The following MEMO1 variants were observed in gnomAD, a reference collection of about 807,000 sequenced individuals.
The protein encoded by MEMO1 is mediator of cell motility 1.
MEMO1 carries 6 observed loss-of-function variants against 45.2 expected under a neutral mutation model. That is an observed-to-expected ratio of 0.13 (90% CI 0.07 to 0.26). MEMO1 has a LOEUF of 0.26. Ranked by LOEUF, MEMO1 falls within the 10% of genes least tolerant of loss-of-function variation. The pLI is 1.00. For synonymous variants in MEMO1, 78 were observed against 124.3 expected (o/e 0.63, Z 2.48); for missense variants, 184 against 370.5 (o/e 0.50, Z 4.13).
At chr2:31,878,880 A>G (rs999096167) in intron 8 of MEMO1, among the ~76,000 whole-genome samples, 4 of 152,178 alleles carry the variant, frequency 2.6e-5, no homozygotes, top group Admixed American at 2.6e-4. Flanking sequence ...CTCCTTAGAG[A>G]TTCTTTCCTA....
intron 8 of MEMO1, among the ~76,000 whole-genome samples, chr2:31,880,959 GGCTGCAGTGAACTGTGATTGTGCCACT>G (rs1675267481): frequency 6.6e-6 from 1 of 152,046 alleles, no homozygotes; most frequent in African/African-American, 2.4e-5. Flanking sequence ...AGCAGGCTGA[GGCTGCAGTGAACTGTGATTGTGCCACT>G]GCACTCCAGC....
At chr2:31,984,157 A>G (rs1170235361) in intron 2 of MEMO1, among the ~76,000 whole-genome samples, 2 of 152,230 alleles carry the variant, frequency 1.3e-5, no homozygotes, top group Non-Finnish European at 2.9e-5. Context: ...AATACGGCAA[A>G]AGGAAGATAG....
intron 2 of MEMO1, among the ~76,000 whole-genome samples, chr2:31,962,310 G>C (rs1668099222): frequency 6.6e-6 from 1 of 152,074 alleles, no homozygotes; most frequent in African/African-American, 2.4e-5. Context: ...AATCACCTGA[G>C]CCTGGGGAAG....
chr2:31,896,965 GTATTT>G (rs1677927272), intron 6 of MEMO1, among the ~76,000 whole-genome samples: 1 of 152,098 alleles, frequency 6.6e-6, no homozygotes, highest in Non-Finnish European at 1.5e-5. Flanking sequence ...GGATTCCTAA[GTATTT>G]TATTCTCTTT....
chr2:31,869,545 C>CTT (rs2147862773), intron 9 of MEMO1, among the ~76,000 whole-genome samples: 1 of 152,092 alleles, frequency 6.6e-6, no homozygotes, highest in Admixed American at 6.5e-5. Flanking sequence ...GACCATATCT[C>CTT]TTAAGAGGTC....
intron 2 of MEMO1, among the ~76,000 whole-genome samples, chr2:31,984,638 A>G (rs1671051986): frequency 6.6e-6 from 1 of 152,278 alleles, no homozygotes; most frequent in Admixed American, 6.5e-5. Context: ...CGTCTCTACT[A>G]AAAACACAAA....
At chr2:31,871,037 C>T (rs934845637) in intron 8 of MEMO1, among the ~76,000 whole-genome samples, 1 of 152,178 alleles carries the variant, frequency 6.6e-6, no homozygotes, top group African/African-American at 2.4e-5. Flanking sequence ...TTAGTTTACA[C>T]TAAATTCTGC....
intron 2 of MEMO1, among the ~76,000 whole-genome samples, chr2:31,993,176 A>G (rs1471940774): frequency 6.6e-6 from 1 of 152,166 alleles, no homozygotes; most frequent in Non-Finnish European, 1.5e-5. Flanking sequence ...CTGTCTCAAA[A>G]AAAAGAAAGA....
intron 2 of MEMO1, among the ~76,000 whole-genome samples, chr2:31,948,169 T>C (rs1229460338): frequency 1.3e-5 from 2 of 152,214 alleles, no homozygotes; most frequent in Non-Finnish European, 1.5e-5. Flanking sequence ...TCCATATGTA[T>C]ACAAAGTTTC....
rs542072096 is a variant in MEMO1, at chr2:32,001,099, C to T, written c.61+9088G>A. On this transcript the variant is annotated intron_variant, in intron 2 of 9. Coordinates refer to ENST00000404530, the MANE Select transcript of MEMO1 (RefSeq NM_001301833.4). ...TCTCACCCAGGCGGGAGTGCAGTGG[C>T]GCAATCTCGGCTCACTGCAAGCGCC... Among the ~76,000 whole-genome samples the T allele has an allele frequency of 1.3e-4, 17 of 133,058 alleles. No homozygotes were observed. In the South Asian group the frequency reaches 2.6e-3, roughly 21 times the overall value. The allele number at this position is 133,058 out of a possible 152,430, so 87.3% of individuals were successfully genotyped here. A position where few individuals can be genotyped will look rare whatever the true frequency, so the allele number is the denominator to read the frequency against.
At chr2:31,967,181 C>T (rs13024535) in intron 2 of MEMO1, among the ~76,000 whole-genome samples, 17,992 of 149,124 alleles carry the variant, frequency 0.12, 1,162 homozygotes, top group Middle Eastern at 0.22. Context: ...TGGAGTGCAG[C>T]GGCGCCATCT....
intron 8 of MEMO1, among the ~76,000 whole-genome samples, chr2:31,870,854 A>C (rs762221173): frequency 1.3e-5 from 2 of 152,224 alleles, no homozygotes; most frequent in Non-Finnish European, 1.5e-5. Flanking sequence ...CTGGGATTAC[A>C]GGTATGAGTC....
rs185886642 is a variant in MEMO1, at chr2:31,926,892, T to A, written c.212+5175A>T. Reference sequence around the variant, plus strand: ...CAAAACAAAACAAAACAAAAAGTGATTTTTTACTATCATATAATGAAATAC... The same window carrying A: ...CAAAACAAAACAAAACAAAAAGTGAATTTTTACTATCATATAATGAAATAC... On this transcript the variant is annotated intron_variant, in intron 4 of 9. Transcript: ENST00000404530. Among the ~76,000 whole-genome samples, 24 of 152,066 alleles carry A rather than the reference T, an allele frequency of 1.6e-4. No individual in the cohort carries two copies. The East Asian group carries it at 4.2e-3, about 27-fold the overall frequency.
At position 31,920,714 on chromosome 2, in the gene MEMO1, T is replaced by C. The variant is rs1259972894; in HGVS notation, c.325+84A>G. 1.8e-5 allele frequency: 12 copies of C among 660,040 alleles called. No individual in the cohort carries two copies. In the South Asian group the frequency reaches 4.0e-4, roughly 22 times the overall value. The allele number at this position is 660,040 out of a possible 1,614,324, so 40.9% of individuals were successfully genotyped here. A position where few individuals can be genotyped will look rare whatever the true frequency, so the allele number is the denominator to read the frequency against. ...TTAAATATTGAGATATTACTTATGA[T>C]ATTCATAAGTTTTTAAATTAATTTA... is the stretch of plus-strand genomic sequence containing the variant. On this transcript the variant is annotated intron_variant, in intron 5 of 9. Coordinates refer to ENST00000404530, the MANE Select transcript of MEMO1 (RefSeq NM_001301833.4).
chr2:31,992,822 G>C (rs1433998344), intron 2 of MEMO1, among the ~76,000 whole-genome samples: 1 of 151,806 alleles, frequency 6.6e-6, no homozygotes, highest in African/African-American at 2.4e-5. Flanking sequence ...ATAATAAGGA[G>C]CATTTATAGA....
At chr2:31,886,796 T>TA (rs1676255505) in intron 7 of MEMO1, among the ~76,000 whole-genome samples, 1 of 152,148 alleles carries the variant, frequency 6.6e-6, no homozygotes, top group Non-Finnish European at 1.5e-5. Flanking sequence ...ACCTGAAACT[T>TA]ATCCTTTCAG....
intron 2 of MEMO1, among the ~76,000 whole-genome samples, chr2:31,991,434 G>A (rs1258331709): frequency 1.3e-5 from 2 of 152,110 alleles, no homozygotes; most frequent in Admixed American, 6.6e-5. Flanking sequence ...AGCTGGGTGT[G>A]GTGGCACATG....
chr2:31,909,018 T>A (rs1337750291), intron 6 of MEMO1, among the ~76,000 whole-genome samples: 1 of 152,176 alleles, frequency 6.6e-6, no homozygotes, highest in Non-Finnish European at 1.5e-5. Context: ...AGGGCACCTG[T>A]GTAATAACAG....
At chr2:31,982,630 T>C (rs1332970268) in intron 2 of MEMO1, among the ~76,000 whole-genome samples, 1 of 150,798 alleles carries the variant, frequency 6.6e-6, no homozygotes, top group African/African-American at 2.4e-5. Context: ...GTTCAGGAAC[T>C]TCCCAAAGTT....
Sources: gnomAD v4.1 joint callset for allele counts (sites outside exome capture counted in the v4.1 genomes callset) on GRCh38, gnomAD v4.1.1 for gene constraint, MANE v1.5 for transcripts, NCBI Gene and HGNC (gene_info 2026-07-23, HGNC 2026-07-21) for gene names.